Variants in MOXD1 observed in about 807,000 individuals in gnomAD.
MOXD1 encodes the protein DBH-like monooxygenase protein 1.
In MOXD1, 62 loss-of-function variants were observed where a neutral mutation model predicts 66.6. The ratio of observed to expected loss-of-function variants is 0.93; its 90% CI spans 0.76 to 1.15. The LOEUF (loss-of-function observed/expected upper bound fraction) is 1.15. Among genes scored for constraint, MOXD1 ranks in the 50% most tolerant of loss-of-function variants. The pLI, the probability that MOXD1 is intolerant of heterozygous loss-of-function variation, is 0.00. For missense variants in MOXD1, 847 were observed against 754.6 expected, an observed-to-expected ratio of 1.12 and a Z score of -1.44; for synonymous variants, 303 against 281.9, an observed-to-expected ratio of 1.07 and a Z score of -0.75.
chr6:132,324,548 GA>G lies in MOXD1; in HGVS notation c.947-452del, dbSNP rs547970762. On this transcript the variant is annotated intron_variant, in intron 6 of 11. Coordinates refer to ENST00000367963, the MANE Select transcript of MOXD1 (RefSeq NM_015529.4). ...CTTAGTTTAGAAACCATCTGCTGAA[GA>G]AAAAAACTACTAAAGATTCACTTTA... Among the ~76,000 whole-genome samples the G allele has an allele frequency of 7.9e-5, 12 of 152,164 alleles. No homozygotes were observed. The South Asian group carries it at 1.2e-3, about 16-fold the overall frequency.
chr6:132,360,266 T>C (rs1208847284), intron 4 of MOXD1, among the ~76,000 whole-genome samples: 1 of 152,206 alleles, frequency 6.6e-6, no homozygotes, highest in Admixed American at 6.5e-5. Flanking sequence ...TTTAAATAGA[T>C]CATCTTCCCC....
chr6:132,367,350 G>A (rs1219494727), intron 4 of MOXD1, among the ~76,000 whole-genome samples: 1 of 152,156 alleles, frequency 6.6e-6, no homozygotes, highest in African/African-American at 2.4e-5. Context: ...CAGAAATTAT[G>A]TTCCCAGCAC....
At chr6:132,396,959 G>A (rs1295265787) in intron 1 of MOXD1, among the ~76,000 whole-genome samples, 1 of 152,206 alleles carries the variant, frequency 6.6e-6, no homozygotes, top group Non-Finnish European at 1.5e-5. Context: ...CTTACGTGAT[G>A]TTCAGATAGA....
intron 7 of MOXD1, among the ~76,000 whole-genome samples, chr6:132,323,301 G>C (rs555900498): frequency 3.7e-4 from 56 of 152,282 alleles, no homozygotes; most frequent in African/African-American, 1.3e-3. Context: ...GCTTGTAAAT[G>C]AGGTCATGGC....
chr6:132,342,003 A>T (rs1415124993), intron 4 of MOXD1, among the ~76,000 whole-genome samples: 1 of 132,334 alleles, frequency 7.6e-6, no homozygotes, highest in Non-Finnish European at 1.5e-5. Context: ...AATACAAATC[A>T]GCTTTTTTTT....
intron 4 of MOXD1, among the ~76,000 whole-genome samples, chr6:132,349,159 G>T (rs903813446): frequency 5.7e-5 from 8 of 141,416 alleles, no homozygotes; most frequent in Non-Finnish European, 1.1e-4. Context: ...AGTCCCCAAA[G>T]TCCATTGTAT....
intron 4 of MOXD1, among the ~76,000 whole-genome samples, chr6:132,358,480 A>T (rs986652472): frequency 1.3e-5 from 2 of 152,212 alleles, no homozygotes; most frequent in Non-Finnish European, 2.9e-5. Context: ...TAAGTAAAGC[A>T]CAGTGTTTGG....
chr6:132,304,310 T>C (rs1282731078), intron 10 of MOXD1, among the ~76,000 whole-genome samples: 1 of 152,134 alleles, frequency 6.6e-6, no homozygotes, highest in Non-Finnish European at 1.5e-5. Flanking sequence ...GGTGCCTTGA[T>C]TTTGGACTTC....
intron 1 of MOXD1, chr6:132,390,288 A>T (rs181928558): frequency 6.6e-6 from 1 of 151,674 alleles, no homozygotes; most frequent in Non-Finnish European, 1.5e-5. Flanking sequence ...CATCTTCTTC[A>T]TAGTACATAA....
At chr6:132,382,136 CAT>C (rs1776524282) in intron 1 of MOXD1, among the ~76,000 whole-genome samples, 1 of 151,990 alleles carries the variant, frequency 6.6e-6, no homozygotes, top group African/African-American at 2.4e-5. Context: ...ACGTATTTAA[CAT>C]ATCATATACA....
At chr6:132,328,844 G>A (rs1395646201) in intron 4 of MOXD1, among the ~76,000 whole-genome samples, 1 of 152,052 alleles carries the variant, frequency 6.6e-6, no homozygotes, top group Non-Finnish European at 1.5e-5. Flanking sequence ...TTTACTAATC[G>A]GCTTTTTTTT....
chr6:132,343,823 TATTC>T (rs1202876748), intron 4 of MOXD1, among the ~76,000 whole-genome samples: 1 of 152,150 alleles, frequency 6.6e-6, no homozygotes, highest in Non-Finnish European at 1.5e-5. Context: ...TAAATTCAGA[TATTC>T]ATACAATAAT....
intron 10 of MOXD1, among the ~76,000 whole-genome samples, chr6:132,299,666 A>G (rs1330775558): frequency 1.3e-5 from 2 of 152,080 alleles, no homozygotes; most frequent in South Asian, 2.1e-4. Flanking sequence ...TAAGTTTTAT[A>G]TTATTGATTC....
At chr6:132,316,620 T>C (rs902275039) in intron 9 of MOXD1, among the ~76,000 whole-genome samples, 1 of 152,088 alleles carries the variant, frequency 6.6e-6, no homozygotes, top group Non-Finnish European at 1.5e-5. Context: ...CTTCACAGGA[T>C]AAGCTCAACA....
At chr6:132,329,613 G>C (rs938715287) in intron 4 of MOXD1, among the ~76,000 whole-genome samples, 2 of 151,972 alleles carry the variant, frequency 1.3e-5, no homozygotes, top group South Asian at 2.1e-4. Context: ...TGAGAAGAAG[G>C]CTAGGGCTCA....
intron 1 of MOXD1, chr6:132,390,339 A>G (rs1177627910): frequency 6.6e-6 from 1 of 151,566 alleles, no homozygotes; most frequent in Non-Finnish European, 1.5e-5. Flanking sequence ...TCGAAAGACA[A>G]CCTTCAAAAC....
chr6:132,323,826 A>G, intron 7 of MOXD1, 105 bp downstream of exon 7: 1 of 1,270,450 alleles, frequency 7.9e-7, no homozygotes, highest in South Asian at 1.8e-5. Context: ...CAGTGTGTCA[A>G]CAAGAAAGGA....
chr6:132,301,349 C>T (rs1182120359), intron 10 of MOXD1, among the ~76,000 whole-genome samples: 6 of 151,956 alleles, frequency 3.9e-5, no homozygotes, highest in African/African-American at 1.4e-4. Context: ...GACTGCAATA[C>T]ACCATGGTAG....
chr6:132,305,058 T>A (rs1387136516), intron 10 of MOXD1, among the ~76,000 whole-genome samples: 1 of 152,196 alleles, frequency 6.6e-6, no homozygotes, highest in Non-Finnish European at 1.5e-5. Context: ...CTGTTTGAGC[T>A]CCTTGGGAGA....
Sources: allele counts gnomAD v4.1 joint callset (sites outside exome capture counted in the v4.1 genomes callset), GRCh38; gene constraint gnomAD v4.1.1; transcripts MANE v1.5; gene names NCBI Gene and HGNC (gene_info 2026-07-23, HGNC 2026-07-21).